The following FBXO31 variants were observed in gnomAD, a reference collection of about 807,000 sequenced individuals.
The protein encoded by FBXO31 is F-box protein 31.
In FBXO31, 24 loss-of-function variants were observed where a neutral mutation model predicts 54.4. That is an observed-to-expected ratio of 0.44 (90% CI 0.32 to 0.62). The LOEUF (loss-of-function observed/expected upper bound fraction) is 0.62, where lower values mean the gene tolerates loss of function less well. Ranked by LOEUF, FBXO31 falls within the 20% of genes least tolerant of loss-of-function variation. The pLI is 0.05. For synonymous variants in FBXO31, 388 were observed against 335.6 expected, an observed-to-expected ratio of 1.16 and a Z score of -1.71; for missense variants, 665 against 787.1, an observed-to-expected ratio of 0.84 and a Z score of 1.86.
rs554362658 is a variant in FBXO31 at position 87,336,414 on chromosome 16, G to A, written c.733-150C>T. 2.7e-5 allele frequency: 18 copies of A among 669,152 alleles called. No homozygotes were observed. The highest frequency in any genetic ancestry group is 4.1e-5 in the Non-Finnish European group (16 of 388,452). The allele number at this position is 669,152 out of a possible 1,614,324, so 41.5% of individuals were successfully genotyped here. ...CTTGGTGGGGGAGGATGGACTTGGC[G>A]CTGGGAAGAGAAAGGGGAGCTGCCG... On this transcript the variant is annotated intron_variant, in intron 5 of 8. Coordinates refer to ENST00000311635, the MANE Select transcript of FBXO31 (RefSeq NM_024735.5). The surrounding 1 kb of genome is among the most constrained non-coding windows in gnomAD (Gnocchi z 6.5).
intron 1 of FBXO31, among the ~76,000 whole-genome samples, chr16:87,380,124 C>G (rs1380423800): frequency 6.6e-6 from 1 of 150,968 alleles, no homozygotes; most frequent in African/African-American, 2.4e-5. Flanking sequence ...ACGGTGAAAC[C>G]CCGTCTCTAC....
chr16:87,353,858 G>C (rs1905776180), intron 2 of FBXO31, among the ~76,000 whole-genome samples: 1 of 152,238 alleles, frequency 6.6e-6, no homozygotes, highest in Non-Finnish European at 1.5e-5. Flanking sequence ...TGAGAAAGTG[G>C]GTTTCTGTTA....
intron 1 of FBXO31, among the ~76,000 whole-genome samples, chr16:87,376,178 T>C (rs1484234187): frequency 6.6e-6 from 1 of 152,242 alleles, no homozygotes; most frequent in East Asian, 1.9e-4. Context: ...CCCAAAATTA[T>C]CTGAAGCATT....
chr16:87,336,131 G>A lies in FBXO31; in HGVS notation c.842+24C>T, dbSNP rs1185654585. 1 of 1,597,896 alleles carries A rather than the reference G, an allele frequency of 6.3e-7. No homozygotes were observed. Among genetic ancestry groups the A allele is most frequent in the Non-Finnish European group, 8.6e-7 (1 of 1,165,612 alleles). On this transcript the variant is annotated intron_variant, in intron 6 of 8. Coordinates refer to ENST00000311635, the MANE Select transcript of FBXO31 (RefSeq NM_024735.5). The surrounding 1 kb of genome is among the most constrained non-coding windows in gnomAD (Gnocchi z 6.5). The stretch of plus-strand genomic sequence containing the variant: ...CACACACCAGGAGAGGGCTACCCCA[G>A]CACCGAGCAGGAGCCGCACTCACTC...
At chr16:87,339,768 T>G (rs1383386259) in intron 5 of FBXO31, among the ~76,000 whole-genome samples, 1 of 152,222 alleles carries the variant, frequency 6.6e-6, no homozygotes, top group African/African-American at 2.4e-5. Flanking sequence ...AATAGCTGCT[T>G]CTAGAGTTCA....
chr16:87,380,211 T>C (rs2150699034), intron 1 of FBXO31, among the ~76,000 whole-genome samples: 1 of 147,470 alleles, frequency 6.8e-6, no homozygotes, highest in African/African-American at 2.5e-5. Context: ...GGCAGGAGAA[T>C]TGCTTGAACT....
intron 1 of FBXO31, among the ~76,000 whole-genome samples, chr16:87,366,065 C>T (rs988245201): frequency 4.6e-5 from 7 of 152,062 alleles, no homozygotes; most frequent in South Asian, 2.1e-4. Flanking sequence ...AATCGGTCAA[C>T]GTCACCAAAA....
At chr16:87,391,373 A>G (rs1174804960), upstream of FBXO31, among the ~76,000 whole-genome samples, 1 of 152,228 alleles carries the variant, frequency 6.6e-6, no homozygotes, top group Non-Finnish European at 1.5e-5. Context: ...GAGGTGGGCA[A>G]TAGCAACCAA....
chr16:87,373,100 T>A (rs919483512), intron 1 of FBXO31, among the ~76,000 whole-genome samples: 4 of 89,774 alleles, frequency 4.5e-5, no homozygotes, highest in Non-Finnish European at 9.2e-5. Context: ...CAGGTGATCC[T>A]CCTGCCTCAG....
At chr16:87,347,539 G>C (rs1905444846) in intron 2 of FBXO31, among the ~76,000 whole-genome samples, 1 of 152,080 alleles carries the variant, frequency 6.6e-6, no homozygotes, top group Non-Finnish European at 1.5e-5. Flanking sequence ...AATTAGCCGG[G>C]TGTGGTGGCG....
At chr16:87,356,914 C>T (rs1452001708) in intron 2 of FBXO31, among the ~76,000 whole-genome samples, 1 of 152,112 alleles carries the variant, frequency 6.6e-6, no homozygotes, top group African/African-American at 2.4e-5. Flanking sequence ...AGCTGAAATT[C>T]ATTGTCTCCA....
chr16:87,344,521 G>T (rs566889103), intron 3 of FBXO31, among the ~76,000 whole-genome samples: 1 of 152,218 alleles, frequency 6.6e-6, no homozygotes, highest in Admixed American at 6.5e-5. Context: ...GCCAGCTCCA[G>T]CAACCAAGGA....
At chr16:87,373,665 T>C (rs1906701177) in intron 1 of FBXO31, among the ~76,000 whole-genome samples, 1 of 151,974 alleles carries the variant, frequency 6.6e-6, no homozygotes, top group Non-Finnish European at 1.5e-5. Context: ...CCGGAGGAAC[T>C]GGGACTACAG....
At chr16:87,385,122 C>A (rs1040771123), upstream of FBXO31, among the ~76,000 whole-genome samples, 1 of 149,032 alleles carries the variant, frequency 6.7e-6, no homozygotes, top group African/African-American at 2.5e-5. Flanking sequence ...GAGTCGGAGA[C>A]CAGCCTACCC....
At chr16:87,349,778 C>T (rs1281155776) in intron 2 of FBXO31, among the ~76,000 whole-genome samples, 2 of 150,808 alleles carry the variant, frequency 1.3e-5, no homozygotes, top group African/African-American at 2.4e-5. Flanking sequence ...GGTGTGGTGG[C>T]ATGAGTTATG....
At chr16:87,367,209 T>C (rs1272820841) in intron 1 of FBXO31, 2 of 152,054 alleles carry the variant, frequency 1.3e-5, no homozygotes, top group African/African-American at 2.4e-5. Flanking sequence ...GAAAGAAATA[T>C]GGTGTTTGTG....
chr16:87,341,407 G>A (rs761624285), intron 5 of FBXO31, among the ~76,000 whole-genome samples: 2 of 152,138 alleles, frequency 1.3e-5, no homozygotes, highest in Non-Finnish European at 2.9e-5. Context: ...TGTAATCCCG[G>A]CACTTTGGGA....
In FBXO31 at chr16:87,345,770, G is replaced by C. The variant is rs1417582828; in HGVS notation, c.489+1404C>G. The stretch of plus-strand genomic sequence containing the variant: ...GAAGAGAAGGGACAGGCTGAGAGGC[G>C]AGGGGCAGGGCCTTCTCCCCCCTTC... On this transcript the variant is annotated intron_variant, in intron 3 of 8. Transcript: ENST00000311635. The surrounding 1 kb of genome is among the most constrained non-coding windows in gnomAD (Gnocchi z 4.9). 6.6e-6 allele frequency among the ~76,000 whole-genome samples: 1 copy of C among 152,250 alleles called. No individual in the cohort carries two copies. Among genetic ancestry groups the C allele is most frequent in the Non-Finnish European group, 1.5e-5 (1 of 68,046 alleles).
chr16:87,383,892 G>A (rs1399284094), upstream of FBXO31: 4 of 515,288 alleles, frequency 7.8e-6, no homozygotes, highest in Non-Finnish European at 1.1e-5. This position sits in a 1 kb window ranked among gnomAD's most constrained non-coding sequence, Gnocchi z 4.9. Context: ...CGCCCCGGCC[G>A]CGCCACCCCC....
Sources: gnomAD v4.1 joint callset for allele counts (sites outside exome capture counted in the v4.1 genomes callset) on GRCh38, gnomAD v4.1.1 for gene constraint, Gnocchi (gnomAD v3.1) non-coding constraint, MANE v1.5 for transcripts, NCBI Gene and HGNC (gene_info 2026-07-23, HGNC 2026-07-21) for gene names.